Variants in VKORC1L1 observed in about 807,000 individuals in gnomAD.
The protein encoded by VKORC1L1 is vitamin K epoxide reductase complex subunit 1-like protein 1.
A neutral mutation model predicts 18.9 loss-of-function variants in VKORC1L1; 2 were observed. The observed-to-expected ratio is 0.11, with a 90% CI of 0.04 to 0.33. The LOEUF (loss-of-function observed/expected upper bound fraction) is 0.33. Ranked by LOEUF, VKORC1L1 falls within the 10% of genes least tolerant of loss-of-function variation. The pLI is 1.00. For synonymous variants in VKORC1L1, 96 were observed against 100.0 expected (o/e 0.96, Z 0.24); for missense variants, 123 against 224.1 (o/e 0.55, Z 2.88).
At chr7:65,889,036 C>G (rs547842406) in intron 1 of VKORC1L1, among the ~76,000 whole-genome samples, 1 of 152,058 alleles carries the variant, frequency 6.6e-6, no homozygotes, top group Non-Finnish European at 1.5e-5. Context: ...ACGCTCTTTC[C>G]TCTTGCTTAA....
intron 1 of VKORC1L1, among the ~76,000 whole-genome samples, chr7:65,917,849 A>C (rs889356026): frequency 6.6e-6 from 1 of 152,228 alleles, no homozygotes; most frequent in Non-Finnish European, 1.5e-5. Flanking sequence ...ATTTTAATGA[A>C]CATGTACGCC....
At chr7:65,922,742 T>C (rs952966023) in intron 1 of VKORC1L1, among the ~76,000 whole-genome samples, 1 of 152,212 alleles carries the variant, frequency 6.6e-6, no homozygotes, top group Non-Finnish European at 1.5e-5. Context: ...TGGCTTTCTT[T>C]CCTTCTGTTG....
chr7:65,947,226 G>T (rs1035445696), intron 1 of VKORC1L1, among the ~76,000 whole-genome samples: 3 of 152,090 alleles, frequency 2.0e-5, no homozygotes, highest in African/African-American at 7.2e-5. Context: ...TAAAATCGGG[G>T]TGATTTTTCT....
intron 1 of VKORC1L1, among the ~76,000 whole-genome samples, chr7:65,926,891 G>C (rs148697676): frequency 1.9e-4 from 29 of 152,282 alleles, no homozygotes; most frequent in Non-Finnish European, 4.0e-4. Flanking sequence ...TTATAAGTGG[G>C]AGCTAAGCTA....
intron 1 of VKORC1L1, among the ~76,000 whole-genome samples, chr7:65,888,510 G>A (rs1233419975): frequency 2.0e-5 from 3 of 152,086 alleles, no homozygotes; most frequent in African/African-American, 4.8e-5. Context: ...TCAGTTGCTC[G>A]AGGTCATGTA....
chr7:65,882,415 C>CAAAAAAAAAAAAAAAAAAAAAAAAAAA (rs34950335), intron 1 of VKORC1L1, among the ~76,000 whole-genome samples: 1 of 123,990 alleles, frequency 8.1e-6, no homozygotes, highest in Non-Finnish European at 1.7e-5. Context: ...AGTAAAAAAG[C>CAAAAAAAAAAAAAAAAAAAAAAAAAAA]AAAAAAAAAA....
intron 1 of VKORC1L1, among the ~76,000 whole-genome samples, chr7:65,885,693 A>G (rs1396347928): frequency 1.3e-5 from 2 of 152,048 alleles, no homozygotes; most frequent in Non-Finnish European, 2.9e-5. Context: ...GCTTTTCTGC[A>G]TACATAAGGC....
At chr7:65,891,016 G>A (rs1270368548) in intron 1 of VKORC1L1, among the ~76,000 whole-genome samples, 1 of 151,888 alleles carries the variant, frequency 6.6e-6, no homozygotes, top group African/African-American at 2.4e-5. Flanking sequence ...CACTATACAT[G>A]CGTTTGGCCT....
intron 1 of VKORC1L1, among the ~76,000 whole-genome samples, chr7:65,904,894 G>A (rs534713108): frequency 2.6e-5 from 4 of 152,048 alleles, no homozygotes; most frequent in East Asian, 1.9e-4. Context: ...TTTTGTCTGT[G>A]TATATATATG....
chr7:65,892,000 TTTTC>T (rs1313466472), intron 1 of VKORC1L1, among the ~76,000 whole-genome samples: 1 of 152,230 alleles, frequency 6.6e-6, no homozygotes, highest in African/African-American at 2.4e-5. Context: ...GTTCAATTTT[TTTTC>T]TTTAACTCCC....
chr7:65,936,647 G>A (rs905709333), intron 1 of VKORC1L1, among the ~76,000 whole-genome samples: 1 of 152,208 alleles, frequency 6.6e-6, no homozygotes. Context: ...TCTATTCCAT[G>A]CATGTGCCAC....
chr7:65,905,624 A>C (rs954291892), intron 1 of VKORC1L1, among the ~76,000 whole-genome samples: 1 of 152,102 alleles, frequency 6.6e-6, no homozygotes, highest in Non-Finnish European at 1.5e-5. Context: ...TGCCATTTTA[A>C]ATAATATGAG....
intron 1 of VKORC1L1, among the ~76,000 whole-genome samples, chr7:65,882,944 AACAC>A (rs1201814748): frequency 5.9e-5 from 9 of 152,212 alleles, no homozygotes; most frequent in Admixed American, 2.0e-4. Context: ...CTATTTAAAA[AACAC>A]ACACAAAACA....
chr7:65,875,763 G>GT (rs202136622), intron 1 of VKORC1L1, among the ~76,000 whole-genome samples: 26 of 152,010 alleles, frequency 1.7e-4, no homozygotes, highest in African/African-American at 4.6e-4. Context: ...CCTCAAGTTA[G>GT]TTTTTTTTGA....
At chr7:65,866,222 G>T in the VKORC1L1 span, among the ~76,000 whole-genome samples, 2 of 152,168 alleles carry the variant, frequency 1.3e-5, no homozygotes, top group African/African-American at 2.4e-5. Context: ...AACATTCATA[G>T]GAGTTAGATT....
At position 65,873,336 on chromosome 7, in the gene VKORC1L1, G is replaced by A. The variant is rs1314154377; in HGVS notation, c.-36G>A. 2.8e-6 allele frequency: 4 copies of A among 1,448,326 alleles called. No individual in the cohort carries two copies. Among genetic ancestry groups the A allele is most frequent in the Non-Finnish European group, 2.7e-6 (3 of 1,097,708 alleles). 89.7% of individuals were successfully genotyped at this position (1,448,326 alleles called of 1,614,324 possible). A position where few individuals can be genotyped will look rare whatever the true frequency, so the allele number is the denominator to read the frequency against. ...CCGACGGGCGGCGGCGGCTGAGGTGGAGGCGGAGGGAGGCGGCGGCGGCGG... is the reference window on the plus strand; with the variant it reads ...CCGACGGGCGGCGGCGGCTGAGGTGAAGGCGGAGGGAGGCGGCGGCGGCGG... On this transcript the variant is annotated 5_prime_UTR_variant, in exon 1 of 3. Transcript: ENST00000360768.
At chr7:65,945,049 T>G (rs1277054396) in intron 1 of VKORC1L1, among the ~76,000 whole-genome samples, 1 of 149,470 alleles carries the variant, frequency 6.7e-6, no homozygotes, top group Non-Finnish European at 1.5e-5. Context: ...TGACCTGAGG[T>G]CAGGTGTTCA....
rs1429313731 is a variant in VKORC1L1 at position 65,931,743 on chromosome 7, G to A, written c.195-16928G>A. On this transcript the variant is annotated intron_variant, in intron 1 of 2. Coordinates refer to ENST00000360768, the MANE Select transcript of VKORC1L1 (RefSeq NM_173517.6). ...TGCAACCTCTGCCTCCCAGGTTCAA[G>A]GAATTCTCATGCCTTGACCTGCAGA... Among the ~76,000 whole-genome samples the A allele has an allele frequency of 2.0e-5, 3 of 152,072 alleles. No homozygotes were observed. The East Asian group carries it at 5.8e-4, about 29-fold the overall frequency.
intron 1 of VKORC1L1, among the ~76,000 whole-genome samples, chr7:65,934,394 C>T (rs941164652): frequency 2.0e-5 from 3 of 152,118 alleles, no homozygotes; most frequent in Admixed American, 6.5e-5. Context: ...TGAGAACATT[C>T]GAAATTTATT....
Sources: gnomAD v4.1 joint callset for allele counts (sites outside exome capture counted in the v4.1 genomes callset) on GRCh38, gnomAD v4.1.1 for gene constraint, MANE v1.5 for transcripts, NCBI Gene and HGNC (gene_info 2026-07-23, HGNC 2026-07-21) for gene names.